SORBS3: variants seen among roughly 807,000 people sequenced by gnomAD.
SORBS3 encodes vinexin.
A neutral mutation model predicts 98.0 loss-of-function variants in SORBS3; 69 were observed. The ratio of observed to expected loss-of-function variants is 0.70; its 90% CI spans 0.58 to 0.86. The LOEUF is 0.86. Ranked by LOEUF, SORBS3 falls within the 40% of genes least tolerant of loss-of-function variation. The pLI, the probability that SORBS3 is intolerant of heterozygous loss-of-function variation, is 0.00. For synonymous variants in SORBS3, 394 were observed against 355.4 expected, an observed-to-expected ratio of 1.11 and a Z score of -1.22; for missense variants, 954 against 908.5, an observed-to-expected ratio of 1.05 and a Z score of -0.64.
At chr8:22,557,690 G>A (rs546011352) in intron 4 of SORBS3, among the ~76,000 whole-genome samples, 2 of 152,252 alleles carry the variant, frequency 1.3e-5, no homozygotes, top group East Asian at 3.9e-4. Context: ...GTGCACGACT[G>A]TAGTTCCAGC....
At chr8:22,563,708 C>T (rs1369963838) in intron 7 of SORBS3, among the ~76,000 whole-genome samples, 1 of 152,222 alleles carries the variant, frequency 6.6e-6, no homozygotes, top group African/African-American at 2.4e-5. Flanking sequence ...TATATGTTCT[C>T]TCACCAAATC....
At chr8:22,558,009 C>A (rs1478928466) in intron 4 of SORBS3, 120 bp from the exon 5 acceptor site, 2 of 880,314 alleles carry the variant, frequency 2.3e-6, no homozygotes, top group Non-Finnish European at 3.9e-6. Flanking sequence ...CATTTCCCAG[C>A]CCACCTATGG....
At chr8:22,565,899 G>T in intron 12 of SORBS3, 27 bp downstream of exon 12, 2 of 1,239,848 alleles carry the variant, frequency 1.6e-6, no homozygotes, top group South Asian at 6.1e-5. Context: ...GGAGGAGGAA[G>T]GGGGCTGTCC....
In SORBS3 at chr8:22,566,062, A is replaced by G. The variant is rs143064287; in HGVS notation, c.950+190A>G. The G allele has an allele frequency of 2.4e-3, 1,326 of 544,516 alleles. 16 individuals are homozygous for G. The highest frequency in any genetic ancestry group is 0.024 in the African/African-American group (1,212 of 50,674). The allele number at this position is 544,516 out of a possible 1,614,324, so 33.7% of individuals were successfully genotyped here. A position where few individuals can be genotyped will look rare whatever the true frequency, so the allele number is the denominator to read the frequency against. ...GCGCCGTTCCCGCGCCACCGAGGGCAGCTAACTCCTAGCAGAGGACCGGGG... is the reference window on the plus strand; with the variant it reads ...GCGCCGTTCCCGCGCCACCGAGGGCGGCTAACTCCTAGCAGAGGACCGGGG... On this transcript the variant is annotated intron_variant, in intron 12 of 20. Coordinates refer to ENST00000240123, the MANE Select transcript of SORBS3 (RefSeq NM_005775.5).
At position 22,569,259 on chromosome 8, in the gene SORBS3, C is replaced by T; in HGVS notation, c.1417C>T (p.Leu473=). ...CTTCAAGGGGGACCTGGAGGTGGAG[C>T]TGTCCTTCCGCAAGGTGGGCCAGGC... The part of the protein sequence containing the change: ...YTFKGDLEVE[L]SFRKGEHICL... Residue 473 remains leucine, a synonymous_variant, in exon 17 of 21, where the codon CTG becomes TTG. Coordinates refer to ENST00000240123, the MANE Select transcript of SORBS3 (RefSeq NM_005775.5). 6.3e-7 allele frequency: 1 copy of T among 1,596,702 alleles called. No individual in the cohort carries two copies. The highest frequency in any genetic ancestry group is 2.3e-5 in the East Asian group (1 of 43,230).
chr8:22,551,634 C>A, upstream of SORBS3: 2 of 668,384 alleles, frequency 3.0e-6, no homozygotes, highest in Non-Finnish European at 3.7e-6. The surrounding 1 kb of genome is among the most constrained non-coding windows in gnomAD (Gnocchi z 5.8). Context: ...CCCTCGGCGG[C>A]CCCTCCCGGC....
intron 5 of SORBS3, chr8:22,560,832 C>CGTGT (rs56159823): frequency 0.034 from 4,523 of 134,856 alleles, 111 homozygotes; most frequent in Admixed American, 0.049. Context: ...GCAGCGCATG[C>CGTGT]GTGTGTGTGT....
intron 7 of SORBS3, 69 bp downstream of exon 7, chr8:22,562,000 C>A (rs1239156815): frequency 1.3e-5 from 19 of 1,480,892 alleles, no homozygotes; most frequent in Non-Finnish European, 1.7e-5. Flanking sequence ...GGGACGGGCG[C>A]CCCCTCGTGA....
At position 22,564,502 on chromosome 8, in the gene SORBS3, A is replaced by G. The variant is rs1381297227; in HGVS notation, c.797A>G (p.Lys266Arg). 6.2e-7 allele frequency: 1 copy of G among 1,613,952 alleles called. No individual in the cohort carries two copies. The highest frequency in any genetic ancestry group is 8.5e-7 in the Non-Finnish European group (1 of 1,180,018). ...KKPLVDDPGE[K>R]PSQPIEVLLE... is the part of the protein sequence containing the mutation. Reference sequence around the variant, plus strand: ...CCGCTGGTGGACGACCCTGGTGAGAAGCCCTCCCAGCCCATTGAGGTGAGT... The same window carrying G: ...CCGCTGGTGGACGACCCTGGTGAGAGGCCCTCCCAGCCCATTGAGGTGAGT... Residue 266 changes from lysine (K) to arginine (R), a missense_variant, in exon 10 of 21, where the codon AAG becomes AGG. Physicochemically the swap from Lys to Arg is conservative, Grantham distance 26 (BLOSUM62 2). Coordinates refer to ENST00000240123, the MANE Select transcript of SORBS3 (RefSeq NM_005775.5).
chr8:22,563,769 G>C (rs1840344974), intron 7 of SORBS3, among the ~76,000 whole-genome samples: 1 of 152,186 alleles, frequency 6.6e-6, no homozygotes, highest in Non-Finnish European at 1.5e-5. Context: ...TCAGTAACTT[G>C]TTCAAAGGTT....
In SORBS3 at chr8:22,566,919, C is replaced by T. The variant is rs751139871; in HGVS notation, c.1190+51C>T. On this transcript the variant is annotated intron_variant, in intron 15 of 20. Coordinates refer to ENST00000240123, the MANE Select transcript of SORBS3 (RefSeq NM_005775.5). ...TCCACCCAAGGCAATCTCTGCCATCCCAGAGGGGGATGGGGAGGGGGACTG... is the reference window on the plus strand; with the variant it reads ...TCCACCCAAGGCAATCTCTGCCATCTCAGAGGGGGATGGGGAGGGGGACTG... 3.8e-6 allele frequency: 6 copies of T among 1,590,660 alleles called. No homozygotes were observed. In the South Asian group the frequency reaches 5.6e-5, roughly 15 times the overall value.
At chr8:22,569,798 C>T (rs765918993) in intron 17 of SORBS3, among the ~76,000 whole-genome samples, 1 of 151,984 alleles carries the variant, frequency 6.6e-6, no homozygotes, top group Non-Finnish European at 1.5e-5. Flanking sequence ...ACCTTGAACT[C>T]CTGGGCTCAA....
chr8:22,554,384 G>A lies in SORBS3; in HGVS notation c.-55-68G>A. On this transcript the variant is annotated intron_variant, in intron 1 of 20. Transcript: ENST00000240123. The surrounding 1 kb of genome is among the most constrained non-coding windows in gnomAD (Gnocchi z 6.5). ...GCCGGCCCCTCCTCCCCTATCCCAG[G>A]GTCGAGCCAAGAGGGCATGGGCAGC... The A allele has an allele frequency of 1.4e-6, 2 of 1,449,634 alleles. No homozygotes were observed. The highest frequency in any genetic ancestry group is 1.4e-5 in the African/African-American group (1 of 70,626). The allele number at this position is 1,449,634 out of a possible 1,614,324, so 89.8% of individuals were successfully genotyped here. A position where few individuals can be genotyped will look rare whatever the true frequency, so the allele number is the denominator to read the frequency against.
At chr8:22,560,870 TGTGC>T (rs765033820) in intron 5 of SORBS3, 11,803 of 83,400 alleles carry the variant, frequency 0.14, 521 homozygotes, top group South Asian at 0.16. Flanking sequence ...TGTGTGTGTG[TGTGC>T]GCGCGCGCAC....
intron 10 of SORBS3, 186 bp downstream of exon 10, chr8:22,564,707 T>A: frequency 7.1e-7 from 1 of 1,399,080 alleles, no homozygotes; most frequent in Non-Finnish European, 9.4e-7. Context: ...AGTAAACATG[T>A]GTTAAATAAA....
At chr8:22,558,428 C>CTT (rs1233673786) in intron 5 of SORBS3, among the ~76,000 whole-genome samples, 2 of 152,354 alleles carry the variant, frequency 1.3e-5, no homozygotes, top group Middle Eastern at 3.4e-3. Flanking sequence ...ACAGTGTCCT[C>CTT]TGAGGGGACT....
chr8:22,558,367 G>C (rs1391524160), intron 5 of SORBS3, among the ~76,000 whole-genome samples, 175 bp downstream of exon 5: 1 of 152,206 alleles, frequency 6.6e-6, no homozygotes, highest in Admixed American at 6.5e-5. Flanking sequence ...CTCGGGGCCA[G>C]CAGCGGTCTC....
chr8:22,565,190 T>C, intron 10 of SORBS3, 78 bp from the exon 11 acceptor site: 1 of 1,493,732 alleles, frequency 6.7e-7, no homozygotes, highest in Non-Finnish European at 9.1e-7. Flanking sequence ...GCCTTGCTTT[T>C]CACAGTCGAT....
At position 22,564,081 on chromosome 8, in the gene SORBS3, G is replaced by C. The variant is rs752054248; in HGVS notation, c.675+4G>C. ...TGTGCTGCAGCCCTCAAATCAGGTA[G>C]CCCACCCAGCATAGTCCCTGGTCAG... On this transcript the variant is annotated splice_donor_region_variant and intron_variant, in intron 8 of 20. Coordinates refer to ENST00000240123, the MANE Select transcript of SORBS3 (RefSeq NM_005775.5). The C allele has an allele frequency of 2.5e-6, 4 of 1,613,084 alleles. No homozygotes were observed. The South Asian group carries it at 4.4e-5, about 18-fold the overall frequency.
Sources: allele counts gnomAD v4.1 joint callset (sites outside exome capture counted in the v4.1 genomes callset), GRCh38; gene constraint gnomAD v4.1.1; non-coding constraint Gnocchi (gnomAD v3.1); transcripts MANE v1.5; gene names NCBI Gene and HGNC (gene_info 2026-07-23, HGNC 2026-07-21).